The following PCOLCE2 variants were observed in gnomAD, a reference collection of about 807,000 sequenced individuals.
PCOLCE2 encodes the protein procollagen C-proteinase enhancer 2.
In PCOLCE2, 42 loss-of-function variants were observed where a neutral mutation model predicts 47.0. The observed-to-expected ratio is 0.89, with a 90% CI of 0.70 to 1.16. PCOLCE2 has a LOEUF of 1.16. Among genes scored for constraint, PCOLCE2 ranks in the 50% most tolerant of loss-of-function variants. The pLI is 0.00. For missense variants in PCOLCE2, 500 were observed against 526.1 expected, an observed-to-expected ratio of 0.95 and a Z score of 0.49; for synonymous variants, 169 against 191.7, an observed-to-expected ratio of 0.88 and a Z score of 0.98.
Position 142,889,007 on chromosome 3 carries a change from A to ACACTGGCAGCAGCGCTGGCTCT in PCOLCE2, c.-112_-111insAGAGCCAGCGCTGCTGCCAGTG. 2.1e-6 allele frequency: 1 copy of ACACTGGCAGCAGCGCTGGCTCT among 477,894 alleles called. No homozygotes were observed. The highest frequency in any genetic ancestry group is 3.4e-6 in the Non-Finnish European group (1 of 291,704). 29.6% of individuals were successfully genotyped at this position (477,894 alleles called of 1,614,324 possible). A position where few individuals can be genotyped will look rare whatever the true frequency, so the allele number is the denominator to read the frequency against. On this transcript the variant is annotated 5_prime_UTR_variant, in exon 1 of 9. Coordinates refer to ENST00000295992, the MANE Select transcript of PCOLCE2 (RefSeq NM_013363.4). ...CTCACACTGGCAGCAGCGCTGGCTC[A>ACACTGGCAGCAGCGCTGGCTCT]CACCGGCGCTCGGCTGCCCGCGCGC...
chr3:142,844,792 C>T (rs749787502), intron 3 of PCOLCE2, among the ~76,000 whole-genome samples: 1 of 152,158 alleles, frequency 6.6e-6, no homozygotes, highest in Non-Finnish European at 1.5e-5. Context: ...ATTCTGAATA[C>T]AAGTTCTTCA....
intron 2 of PCOLCE2, among the ~76,000 whole-genome samples, chr3:142,858,598 C>T (rs1560137350): frequency 6.6e-6 from 1 of 152,144 alleles, no homozygotes; most frequent in Non-Finnish European, 1.5e-5. Context: ...GCTGGCAGTG[C>T]CTCCCTGGGG....
intron 7 of PCOLCE2, among the ~76,000 whole-genome samples, chr3:142,822,274 A>T (rs570264044): frequency 6.6e-6 from 1 of 152,114 alleles, no homozygotes; most frequent in East Asian, 1.9e-4. Context: ...GTTCCTAGTT[A>T]TTGTGACAAC....
In PCOLCE2 at chr3:142,866,778, T is replaced by C. The variant is rs2108206111; in HGVS notation, c.193-18306A>G. 2.0e-5 allele frequency among the ~76,000 whole-genome samples: 3 copies of C among 152,334 alleles called. No individual in the cohort carries two copies. The Middle Eastern group carries it at 0.01, about 518-fold the overall frequency. ...AGAGTCTTCAGTAAGGCTTTTTCTT[T>C]TAATAAAAAAGCAGCCCCCAAAACA... is the stretch of plus-strand genomic sequence containing the variant. On this transcript the variant is annotated intron_variant, in intron 2 of 8. Coordinates refer to ENST00000295992, the MANE Select transcript of PCOLCE2 (RefSeq NM_013363.4).
rs1344780132 is a variant in PCOLCE2 at position 142,864,564 on chromosome 3, G to C, written c.193-16092C>G. 3.3e-5 allele frequency: 5 copies of C among 152,110 alleles called. No individual in the cohort carries two copies. In the East Asian group the frequency reaches 9.6e-4, roughly 29 times the overall value. 9.4% of individuals were successfully genotyped at this position (152,110 alleles called of 1,614,324 possible). A position where few individuals can be genotyped will look rare whatever the true frequency, so the allele number is the denominator to read the frequency against. On this transcript the variant is annotated intron_variant, in intron 2 of 8. Transcript: ENST00000295992. ...CTCATTTTAAAGTGTACATTTCAAC[G>C]ATTCTTAGAAAATGTATGGAGTTGT... is the stretch of plus-strand genomic sequence containing the variant.
At chr3:142,843,106 A>T in intron 3 of PCOLCE2, 58 bp from the exon 4 acceptor site, 1 of 1,541,752 alleles carries the variant, frequency 6.5e-7, no homozygotes, top group Non-Finnish European at 8.9e-7. Flanking sequence ...CAGCAATACA[A>T]CCATGTGGAG....
intron 2 of PCOLCE2, among the ~76,000 whole-genome samples, chr3:142,852,788 G>A (rs1243893327): frequency 2.7e-5 from 4 of 149,450 alleles, no homozygotes; most frequent in Non-Finnish European, 5.9e-5. Context: ...CATGCAAAAT[G>A]CACAGTGACT....
intron 5 of PCOLCE2, among the ~76,000 whole-genome samples, chr3:142,830,663 T>C (rs1324820189): frequency 1.3e-5 from 2 of 152,220 alleles, no homozygotes; most frequent in Non-Finnish European, 2.9e-5. Context: ...AGATGGTAAG[T>C]GAGGCTCAAA....
At chr3:142,835,893 C>T (rs118020659) in intron 5 of PCOLCE2, among the ~76,000 whole-genome samples, 2 of 152,336 alleles carry the variant, frequency 1.3e-5, no homozygotes, top group South Asian at 4.1e-4. Flanking sequence ...ATCCTCCAAC[C>T]TCAGGTTCTC....
At position 142,842,990 on chromosome 3, in the gene PCOLCE2, G is replaced by T; in HGVS notation, c.507C>A (p.Asn169Lys). Residue 169 changes from asparagine (N) to lysine (K), a missense_variant, in exon 4 of 9, where the codon AAC (asparagine) becomes AAA (lysine). Coordinates refer to ENST00000295992, the MANE Select transcript of PCOLCE2 (RefSeq NM_013363.4). The surrounding 1 kb of genome is among the most constrained non-coding windows in gnomAD (Gnocchi z 4.1). Reference sequence around the variant, plus strand: ...CTGCAGGGTAATCCCGGTCTGGCCAGTTGGGGGTTTTAAAAGAGCCGGAAG... The same window carrying T: ...CTGCAGGGTAATCCCGGTCTGGCCATTTGGGGGTTTTAAAAGAGCCGGAAG... ...DRPSGSFKTP[N>K]WPDRDYPAGV... 1 of 1,613,852 alleles carries T rather than the reference G, an allele frequency of 6.2e-7. No individual in the cohort carries two copies. The highest frequency in any genetic ancestry group is 2.2e-5 in the East Asian group (1 of 44,868).
chr3:142,863,861 G>A (rs1263547892), intron 2 of PCOLCE2: 2 of 152,112 alleles, frequency 1.3e-5, no homozygotes, highest in Non-Finnish European at 2.9e-5. Flanking sequence ...AACAAAAGTG[G>A]ATAAACTAGC....
chr3:142,885,918 T>G (rs1933710453), intron 2 of PCOLCE2, among the ~76,000 whole-genome samples: 1 of 152,194 alleles, frequency 6.6e-6, no homozygotes, highest in South Asian at 2.1e-4. Flanking sequence ...CACTCCAACC[T>G]CCTTAATTTG....
intron 2 of PCOLCE2, among the ~76,000 whole-genome samples, chr3:142,853,718 CTT>C (rs908457629): frequency 1.3e-5 from 2 of 152,186 alleles, no homozygotes; most frequent in African/African-American, 4.8e-5. Context: ...TTTTTGGAAA[CTT>C]TATATTTCAA....
chr3:142,824,808 A>C (rs1026332947), intron 6 of PCOLCE2, among the ~76,000 whole-genome samples: 27 of 152,046 alleles, frequency 1.8e-4, no homozygotes, highest in Non-Finnish European at 3.1e-4. Context: ...TTGTATTTTT[A>C]GTAGAGATTT....
rs531022014 is a variant in PCOLCE2 at position 142,828,091 on chromosome 3, C to T, written c.865+1601G>A. 2.6e-5 allele frequency among the ~76,000 whole-genome samples: 4 copies of T among 152,334 alleles called. No homozygotes were observed. The South Asian group carries it at 8.3e-4, about 32-fold the overall frequency. ...ACTCTGGTGACCCCCTGGATTTCTACAATTCATTCACCTGACAGTGGCCAC... is the reference window on the plus strand; with the variant it reads ...ACTCTGGTGACCCCCTGGATTTCTATAATTCATTCACCTGACAGTGGCCAC... On this transcript the variant is annotated intron_variant, in intron 6 of 8. Coordinates refer to ENST00000295992, the MANE Select transcript of PCOLCE2 (RefSeq NM_013363.4).
chr3:142,851,201 T>C lies in PCOLCE2; in HGVS notation c.193-2729A>G, dbSNP rs74551231. ...GGGAATCTGATAACAGAAGAGAAAG[T>C]GAGGAAATGGATTAATGAAATGCAG... On this transcript the variant is annotated intron_variant, in intron 2 of 8. Coordinates refer to ENST00000295992, the MANE Select transcript of PCOLCE2 (RefSeq NM_013363.4). 8.6e-3 allele frequency among the ~76,000 whole-genome samples: 1,305 copies of C among 151,930 alleles called. 23 individuals are homozygous for C. Among genetic ancestry groups the C allele is most frequent in the African/African-American group, 0.03 (1,245 of 41,406 alleles).
Position 142,885,846 on chromosome 3 carries a change from C to T in PCOLCE2, c.192+1823G>A, listed in dbSNP as rs115467808. Among the ~76,000 whole-genome samples, 266 of 152,316 alleles carry T rather than the reference C, an allele frequency of 1.7e-3. 2 individuals are homozygous for T. Among genetic ancestry groups the T allele is most frequent in the African/African-American group, 6.0e-3 (250 of 41,578 alleles). On this transcript the variant is annotated intron_variant, in intron 2 of 8. Coordinates refer to ENST00000295992, the MANE Select transcript of PCOLCE2 (RefSeq NM_013363.4). ...AATTCAAACTCTCCACCGTGGCCTA[C>T]AGAGTCCTGTTTACCTTCTTCGCTT...
Position 142,854,708 on chromosome 3 carries a change from G to A in PCOLCE2, c.193-6236C>T, listed in dbSNP as rs112791180. On this transcript the variant is annotated intron_variant, in intron 2 of 8. Coordinates refer to ENST00000295992, the MANE Select transcript of PCOLCE2 (RefSeq NM_013363.4). ...GAAGACACCAGTGGAGATAACCCCC[G>A]AAAACCACCCAAAACTTTCCCACTG... Among the ~76,000 whole-genome samples, 352 of 152,194 alleles carry A rather than the reference G, an allele frequency of 2.3e-3. 1 individual carries two copies. The highest frequency in any genetic ancestry group is 7.9e-3 in the African/African-American group (326 of 41,522).
chr3:142,841,409 A>G (rs1395559091), intron 4 of PCOLCE2, among the ~76,000 whole-genome samples: 1 of 152,254 alleles, frequency 6.6e-6, no homozygotes, highest in Non-Finnish European at 1.5e-5. Context: ...AGAACAATGG[A>G]AAAGAGATGC....
Sources: allele counts gnomAD v4.1 joint callset (sites outside exome capture counted in the v4.1 genomes callset), GRCh38; gene constraint gnomAD v4.1.1; non-coding constraint Gnocchi (gnomAD v3.1); transcripts MANE v1.5; gene names NCBI Gene and HGNC (gene_info 2026-07-23, HGNC 2026-07-21).